The following SYT16 variants were observed in gnomAD, a reference collection of about 807,000 sequenced individuals.
The protein encoded by SYT16 is synaptotagmin-16.
In SYT16, 42 loss-of-function variants were observed where a neutral mutation model predicts 61.4. The observed-to-expected ratio is 0.68, with a 90% CI of 0.53 to 0.89. The LOEUF (loss-of-function observed/expected upper bound fraction) is 0.89, where lower values mean the gene tolerates loss of function less well. Among genes scored for constraint, SYT16 ranks in the 40% least tolerant of loss-of-function variants. SYT16 has a pLI of 0.00. For missense variants in SYT16, 804 were observed against 807.3 expected (o/e 1.00, Z 0.05); for synonymous variants, 314 against 302.3 (o/e 1.04, Z -0.40).
At chr14:62,036,477 A>G (rs2054512144) in intron 3 of SYT16, among the ~76,000 whole-genome samples, 1 of 151,986 alleles carries the variant, frequency 6.6e-6, no homozygotes, top group Admixed American at 6.6e-5. Flanking sequence ...GTGGGTTAAG[A>G]TTTGCAGAGA....
At chr14:62,022,527 G>C (rs2053950207) in intron 3 of SYT16, among the ~76,000 whole-genome samples, 1 of 151,806 alleles carries the variant, frequency 6.6e-6, no homozygotes, top group Non-Finnish European at 1.5e-5. Flanking sequence ...TTTCGTGTTT[G>C]ATGTTTCATT....
At position 62,104,420 on chromosome 14, in the gene SYT16, G is replaced by C. The variant is rs2057478318; in HGVS notation, c.*3713G>C. On this transcript the variant is annotated 3_prime_UTR_variant, in exon 8 of 8. Transcript: ENST00000683842. ...AGCAAATGATGGATAATCCTGAAAT[G>C]GTAAAAGTATTTTTGTCTTAAAAAT... is the stretch of plus-strand genomic sequence containing the variant. The C allele has an allele frequency of 6.6e-6, 1 of 152,070 alleles. No homozygotes were observed. The highest frequency in any genetic ancestry group is 1.5e-5 in the Non-Finnish European group (1 of 68,012). The allele number at this position is 152,070 out of a possible 1,614,324, so 9.4% of individuals were successfully genotyped here. A position where few individuals can be genotyped will look rare whatever the true frequency, so the allele number is the denominator to read the frequency against.
intron 1 of SYT16, among the ~76,000 whole-genome samples, chr14:61,834,629 G>A (rs1013953866): frequency 4.6e-5 from 7 of 151,814 alleles, no homozygotes; most frequent in Admixed American, 4.6e-4. Context: ...TAGAGATGGG[G>A]TTTCACCATG....
chr14:61,891,242 G>GCACACA (rs34375502), intron 1 of SYT16, among the ~76,000 whole-genome samples: 32,381 of 147,676 alleles, frequency 0.22, 3,721 homozygotes, highest in African/African-American at 0.28. Context: ...ACACACACGC[G>GCACACA]CACACACACA....
chr14:62,048,630 C>G (rs2055114960), intron 3 of SYT16, among the ~76,000 whole-genome samples: 1 of 152,180 alleles, frequency 6.6e-6, no homozygotes, highest in South Asian at 2.1e-4. Context: ...ATAAAGTTCC[C>G]TCTACACACT....
At chr14:62,037,506 T>TA (rs535621968) in intron 3 of SYT16, among the ~76,000 whole-genome samples, 45 of 152,206 alleles carry the variant, frequency 3.0e-4, no homozygotes, top group Non-Finnish European at 4.3e-4. Context: ...TCTGGAATTG[T>TA]AAAAACCAAA....
At chr14:61,854,843 C>CT (rs111451924) in intron 1 of SYT16, among the ~76,000 whole-genome samples, 94 of 147,482 alleles carry the variant, frequency 6.4e-4, no homozygotes, top group African/African-American at 1.4e-3. Context: ...GTTGCTTATT[C>CT]TTTTTTTTTT....
chr14:61,813,044 C>T (rs890079311), intron 1 of SYT16, among the ~76,000 whole-genome samples: 13 of 152,248 alleles, frequency 8.5e-5, no homozygotes, highest in African/African-American at 3.1e-4. Context: ...GCGGAGGGAC[C>T]CTCGATGCCG....
intron 1 of SYT16, among the ~76,000 whole-genome samples, chr14:61,882,845 A>C (rs1021484076): frequency 2.0e-5 from 3 of 152,358 alleles, no homozygotes; most frequent in African/African-American, 7.2e-5. Context: ...TACATTGGCA[A>C]AAACAAAGGG....
At chr14:62,040,378 G>C (rs2054680389) in intron 3 of SYT16, among the ~76,000 whole-genome samples, 1 of 152,096 alleles carries the variant, frequency 6.6e-6, no homozygotes, top group African/African-American at 2.4e-5. Context: ...ATACAATTGG[G>C]ACATTTCAAA....
chr14:62,017,100 T>C (rs920889756), intron 3 of SYT16, among the ~76,000 whole-genome samples: 3 of 152,244 alleles, frequency 2.0e-5, no homozygotes, highest in Non-Finnish European at 4.4e-5. Context: ...TTTGGGTTGC[T>C]CTGTTTTATT....
intron 1 of SYT16, among the ~76,000 whole-genome samples, chr14:61,889,180 G>A (rs1057293510): frequency 6.6e-6 from 1 of 152,196 alleles, no homozygotes; most frequent in Non-Finnish European, 1.5e-5. Context: ...ACAAGGACAA[G>A]TGGGGGTTTA....
At chr14:61,837,499 G>A (rs531886351) in intron 1 of SYT16, among the ~76,000 whole-genome samples, 6 of 152,072 alleles carry the variant, frequency 3.9e-5, no homozygotes, top group Non-Finnish European at 7.4e-5. Flanking sequence ...TCAGCCTCCC[G>A]AGTAGCTGTG....
intron 6 of SYT16, 133 bp from the exon 7 acceptor site, chr14:62,084,063 C>T (rs575577040): frequency 2.7e-5 from 27 of 1,018,384 alleles, no homozygotes; most frequent in African/African-American, 1.0e-4. Flanking sequence ...TAATTCACGC[C>T]GAGTGCGCCC....
intron 7 of SYT16, among the ~76,000 whole-genome samples, chr14:62,093,511 T>G (rs933760145): frequency 2.0e-5 from 3 of 151,980 alleles, no homozygotes; most frequent in African/African-American, 7.2e-5. Flanking sequence ...ATAAACACAC[T>G]ACAGTTTATA....
At chr14:62,046,981 T>C (rs1056164876) in intron 3 of SYT16, among the ~76,000 whole-genome samples, 2 of 152,216 alleles carry the variant, frequency 1.3e-5, no homozygotes, top group Non-Finnish European at 2.9e-5. Context: ...TTTTTTCCAA[T>C]TCTGTGAAGA....
At chr14:61,839,420 G>A (rs2046233723) in intron 1 of SYT16, among the ~76,000 whole-genome samples, 1 of 152,174 alleles carries the variant, frequency 6.6e-6, no homozygotes, top group Non-Finnish European at 1.5e-5. Context: ...CCAGTCTGTA[G>A]TATTTTGTTA....
At chr14:61,904,745 G>A (rs1381349872) in intron 1 of SYT16, among the ~76,000 whole-genome samples, 2 of 152,196 alleles carry the variant, frequency 1.3e-5, no homozygotes, top group Non-Finnish European at 2.9e-5. Context: ...GGCCTCTGAA[G>A]GCAGATTGAC....
chr14:61,853,063 C>T (rs1025948985), intron 1 of SYT16, among the ~76,000 whole-genome samples: 8 of 152,148 alleles, frequency 5.3e-5, no homozygotes, highest in Non-Finnish European at 1.0e-4. Flanking sequence ...GCATTACAGG[C>T]ATCTGCCACC....
Sources: gnomAD v4.1 joint callset for allele counts (sites outside exome capture counted in the v4.1 genomes callset) on GRCh38, gnomAD v4.1.1 for gene constraint, MANE v1.5 for transcripts, NCBI Gene and HGNC (gene_info 2026-07-23, HGNC 2026-07-21) for gene names.